The following PAX5 variants were observed in gnomAD, a reference collection of about 807,000 sequenced individuals.
PAX5 encodes the protein paired box 5, also known as paired box protein Pax-5.
A neutral mutation model predicts 43.7 loss-of-function variants in PAX5; 9 were observed. The ratio of observed to expected loss-of-function variants is 0.21; its 90% CI spans 0.12 to 0.36. The LOEUF (loss-of-function observed/expected upper bound fraction) is 0.36, where lower values mean the gene tolerates loss of function less well. PAX5 is among the 10% of genes least tolerant of loss of function. The pLI is 1.00. For missense variants in PAX5, 383 were observed against 532.7 expected (o/e 0.72, Z 2.77); for synonymous variants, 228 against 214.3 (o/e 1.06, Z -0.56).
chr9:36,881,943 T>C, intron 8 of PAX5, 61 bp downstream of exon 8: 1 of 1,211,510 alleles, frequency 8.3e-7, no homozygotes, highest in Non-Finnish European at 1.2e-6. Context: ...TGGGGGGGGA[T>C]GTCCCCCCAC....
chr9:36,878,702 G>C (rs2131742243), intron 8 of PAX5, among the ~76,000 whole-genome samples: 1 of 152,328 alleles, frequency 6.6e-6, no homozygotes, highest in East Asian at 1.9e-4. Flanking sequence ...GGCCCTCTCT[G>C]TTCTGTGGGA....
At chr9:36,923,213 G>T in intron 7 of PAX5, 142 bp downstream of exon 7, 1 of 973,594 alleles carries the variant, frequency 1.0e-6, no homozygotes, top group South Asian at 1.7e-5. Flanking sequence ...CCCAGCACCT[G>T]ACCTGTTCCC....
intron 7 of PAX5, among the ~76,000 whole-genome samples, chr9:36,912,236 A>G (rs1229963549): frequency 1.3e-5 from 2 of 152,258 alleles, no homozygotes; most frequent in East Asian, 3.8e-4. Flanking sequence ...GCCCAGACAC[A>G]TAGTAATAAC....
intron 8 of PAX5, among the ~76,000 whole-genome samples, chr9:36,859,588 C>T (rs917842006): frequency 6.6e-6 from 1 of 152,198 alleles, no homozygotes; most frequent in African/African-American, 2.4e-5. Flanking sequence ...GCCCCCTCCT[C>T]CCTCCCCGGC....
chr9:36,946,094 TGC>T (rs1832484513), intron 6 of PAX5, among the ~76,000 whole-genome samples: 4 of 152,064 alleles, frequency 2.6e-5, no homozygotes, highest in Admixed American at 2.0e-4. Context: ...TCCGTCAGGA[TGC>T]AGTGCTCCAT....
Position 36,834,461 on chromosome 9 carries a change from C to A in PAX5, c.*6099G>T. 1 of 231,092 alleles carries A rather than the reference C, an allele frequency of 4.3e-6. No homozygotes were observed. Among genetic ancestry groups the A allele is most frequent in the Non-Finnish European group, 8.5e-6 (1 of 117,562 alleles). The allele number at this position is 231,092 out of a possible 1,614,324, so 14.3% of individuals were successfully genotyped here. ...GTGTGTGTGTGTGTGTGTTTACATG[C>A]TCGTGCACCTTATGGAGGGGAAGGC... On this transcript the variant is annotated 3_prime_UTR_variant, in exon 10 of 10. Coordinates refer to ENST00000358127, the MANE Select transcript of PAX5 (RefSeq NM_016734.3).
At chr9:36,859,623 G>C (rs548532996) in intron 8 of PAX5, among the ~76,000 whole-genome samples, 1 of 152,100 alleles carries the variant, frequency 6.6e-6, no homozygotes, top group Admixed American at 6.5e-5. Flanking sequence ...CACTGTGTCC[G>C]CAAATTCCTG....
chr9:36,938,456 A>G (rs1831748400), intron 6 of PAX5, among the ~76,000 whole-genome samples: 1 of 152,174 alleles, frequency 6.6e-6, no homozygotes, highest in Non-Finnish European at 1.5e-5. Flanking sequence ...CCCACAAATC[A>G]AAGCTCAAAT....
intron 6 of PAX5, among the ~76,000 whole-genome samples, chr9:36,964,739 G>T (rs184932148): frequency 2.8e-4 from 42 of 152,274 alleles, no homozygotes; most frequent in African/African-American, 9.9e-4. Flanking sequence ...TCTCAGAAGG[G>T]CTCTGAGCAG....
intron 6 of PAX5, among the ~76,000 whole-genome samples, chr9:36,961,983 ACGCCTTC>A (rs1186782776): frequency 6.6e-6 from 1 of 152,102 alleles, no homozygotes; most frequent in Non-Finnish European, 1.5e-5. Flanking sequence ...GTCAACATTA[ACGCCTTC>A]CACCCAGGGC....
intron 7 of PAX5, among the ~76,000 whole-genome samples, chr9:36,917,001 T>C (rs1333559883): frequency 6.6e-6 from 1 of 152,170 alleles, no homozygotes; most frequent in Non-Finnish European, 1.5e-5. Flanking sequence ...TTATGTTTTC[T>C]AGCTAACTAT....
chr9:37,001,035 A>T (rs778529237), intron 5 of PAX5, among the ~76,000 whole-genome samples: 6 of 152,222 alleles, frequency 3.9e-5, no homozygotes, highest in Non-Finnish European at 8.8e-5. Context: ...CAATACCCCC[A>T]AATGGGCTGC....
chr9:36,968,506 G>A (rs577476751), intron 5 of PAX5, among the ~76,000 whole-genome samples: 76 of 152,238 alleles, frequency 5.0e-4, no homozygotes, highest in Middle Eastern at 3.4e-3. Flanking sequence ...TATAGGAAGG[G>A]CCTTCGGAGG....
At chr9:36,867,740 TCTTC>T (rs1350623609) in intron 8 of PAX5, among the ~76,000 whole-genome samples, 1 of 152,224 alleles carries the variant, frequency 6.6e-6, no homozygotes, top group Non-Finnish European at 1.5e-5. Flanking sequence ...ACTCCTTCTC[TCTTC>T]CTTTCTTTCT....
intron 6 of PAX5, among the ~76,000 whole-genome samples, chr9:36,935,148 G>A (rs760373145): frequency 1.3e-5 from 2 of 152,196 alleles, no homozygotes; most frequent in Non-Finnish European, 2.9e-5. Flanking sequence ...TTGGGAGGCC[G>A]AGGCGGGCAG....
intron 5 of PAX5, among the ~76,000 whole-genome samples, chr9:36,982,475 C>T (rs1277293687): frequency 6.6e-6 from 1 of 152,102 alleles, no homozygotes; most frequent in African/African-American, 2.4e-5. Context: ...TGGAGATGGA[C>T]TTACAGTCCA....
chr9:36,994,312 C>G (rs553477166), intron 5 of PAX5, among the ~76,000 whole-genome samples: 10 of 152,336 alleles, frequency 6.6e-5, no homozygotes, highest in African/African-American at 2.4e-4. Context: ...CTGCCACTAA[C>G]TGCCCCCTGC....
At chr9:36,919,839 CAAAAAAAAAAAAA>C (rs61173333) in intron 7 of PAX5, among the ~76,000 whole-genome samples, 672 of 66,266 alleles carry the variant, frequency 0.01, 8 homozygotes, top group South Asian at 0.017. Flanking sequence ...GACTCTGTCT[CAAAAAAAAAAAAA>C]AAAAAAAAAA....
At chr9:36,917,365 G>T (rs1829807129) in intron 7 of PAX5, among the ~76,000 whole-genome samples, 1 of 152,172 alleles carries the variant, frequency 6.6e-6, no homozygotes, top group Admixed American at 6.5e-5. Context: ...GGACCATGGG[G>T]ACCTGTCTTA....
Sources: gnomAD v4.1 joint callset for allele counts (sites outside exome capture counted in the v4.1 genomes callset) on GRCh38, gnomAD v4.1.1 for gene constraint, MANE v1.5 for transcripts, NCBI Gene and HGNC (gene_info 2026-07-23, HGNC 2026-07-21) for gene names.